GABRA1: variants seen among roughly 807,000 people sequenced by gnomAD.
The protein encoded by GABRA1 is gamma-aminobutyric acid type A receptor subunit alpha1, also known as gamma-aminobutyric acid receptor subunit alpha-1.
Under a neutral mutation model 48.9 loss-of-function variants are expected in GABRA1, and 9 were observed. The observed-to-expected ratio is 0.18, with a 90% CI of 0.11 to 0.32. The LOEUF is 0.32. GABRA1 is among the 10% of genes least tolerant of loss of function. The pLI, the probability that GABRA1 is intolerant of heterozygous loss-of-function variation, is 1.00. For synonymous variants in GABRA1, 210 were observed against 198.7 expected (o/e 1.06, Z -0.48); for missense variants, 285 against 553.8 (o/e 0.51, Z 4.87).
intron 3 of GABRA1, among the ~76,000 whole-genome samples, chr5:161,859,875 G>A (rs1312209547): frequency 6.6e-6 from 1 of 151,652 alleles, no homozygotes; most frequent in African/African-American, 2.4e-5. Context: ...ATCTCTTGTT[G>A]TTGTTTTTGC....
At chr5:161,853,793 CTT>C (rs1159330027) in intron 2 of GABRA1, 1 of 163,062 alleles carries the variant, frequency 6.1e-6, no homozygotes, top group African/African-American at 2.4e-5. Context: ...TTTGGTAACT[CTT>C]TTTAATTTGG....
At chr5:161,888,730 T>G (rs1440000562) in intron 7 of GABRA1, among the ~76,000 whole-genome samples, 1 of 152,020 alleles carries the variant, frequency 6.6e-6, no homozygotes, top group Non-Finnish European at 1.5e-5. Flanking sequence ...GGGAAAATTG[T>G]TTTTCTACAT....
rs779666888 is a variant in GABRA1, at chr5:161,854,161, T to C, written c.78T>C (p.Tyr26=). The C allele has an allele frequency of 2.7e-5, 43 of 1,564,860 alleles. No homozygotes were observed. The highest frequency in any genetic ancestry group is 3.6e-5 in the Non-Finnish European group (41 of 1,136,224). The stretch of plus-strand genomic sequence containing the variant: ...TTCTCTTTATGTTTTTTTTCAGCTA[T>C]GGACAGCCGTCATTACAAGATGAAC... The part of the protein sequence containing the change: ...LLLSTLTGRS[Y]GQPSLQDELK... Residue 26 remains tyrosine (Y), a synonymous_variant, in exon 3 of 10, where the codon TAT becomes TAC. Coordinates refer to ENST00000393943, the MANE Select transcript of GABRA1 (RefSeq NM_001127644.2).
intron 3 of GABRA1, 94 bp from the exon 4 acceptor site, chr5:161,865,627 C>T: frequency 3.1e-6 from 3 of 973,254 alleles, no homozygotes; most frequent in Non-Finnish European, 5.0e-6. Context: ...TAATCAAAGA[C>T]AATCAATTTC....
At chr5:161,893,048 T>TAATA (rs5872733) in intron 8 of GABRA1, among the ~76,000 whole-genome samples, 18 of 142,010 alleles carry the variant, frequency 1.3e-4, no homozygotes, top group South Asian at 6.6e-4. Context: ...ATAATAATAA[T>TAATA]AAAATAAACA....
intron 1 of GABRA1, among the ~76,000 whole-genome samples, chr5:161,849,244 G>A (rs973747865): frequency 6.6e-6 from 1 of 152,122 alleles, no homozygotes; most frequent in African/African-American, 2.4e-5. Context: ...GTTTTGCTGT[G>A]TTTTGTTTAC....
chr5:161,893,980 C>T (rs2113458377), intron 8 of GABRA1, among the ~76,000 whole-genome samples: 1 of 152,236 alleles, frequency 6.6e-6, no homozygotes, highest in East Asian at 1.9e-4. Context: ...TTTATGGACA[C>T]ATTTGGTTTA....
At position 161,882,538 on chromosome 5, in the gene GABRA1, T is replaced by C. The variant is rs202046572; in HGVS notation, c.560-20T>C. On this transcript the variant is annotated intron_variant, in intron 6 of 9. Transcript: ENST00000393943. ...TGAAGTGGTAAAATATATGGATCAT[T>C]TTCTACTGTTTCCTTTTAGATGCTT... 2 of 1,610,428 alleles carry C rather than the reference T, an allele frequency of 1.2e-6. No homozygotes were observed. Among genetic ancestry groups the C allele is most frequent in the Non-Finnish European group, 1.7e-6 (2 of 1,176,980 alleles).
chr5:161,860,118 G>GTTAAATGAATTCT (rs1235501538), intron 3 of GABRA1, among the ~76,000 whole-genome samples: 1 of 151,790 alleles, frequency 6.6e-6, no homozygotes, highest in African/African-American at 2.4e-5. Context: ...AAGAAGAATT[G>GTTAAATGAATTCT]TTAAAATGAA....
chr5:161,875,652 T>C lies in GABRA1; in HGVS notation c.559+10T>C, dbSNP rs772977557. 2 of 1,591,396 alleles carry C rather than the reference T, an allele frequency of 1.3e-6. No homozygotes were observed. The highest frequency in any genetic ancestry group is 2.7e-5 in the African/African-American group (2 of 74,546). ...CTAAAATTTGGAAGTTGTGAGTAAATTTATATGGACTTTTCTTGATTGTAA... is the reference window on the plus strand; with the variant it reads ...CTAAAATTTGGAAGTTGTGAGTAAACTTATATGGACTTTTCTTGATTGTAA... On this transcript the variant is annotated intron_variant, in intron 6 of 9. Coordinates refer to ENST00000393943, the MANE Select transcript of GABRA1 (RefSeq NM_001127644.2).
At chr5:161,870,675 A>G (rs929026772) in intron 4 of GABRA1, among the ~76,000 whole-genome samples, 2 of 152,056 alleles carry the variant, frequency 1.3e-5, no homozygotes, top group Non-Finnish European at 2.9e-5. Context: ...ACAGAAAAAG[A>G]GGGGGTTCTG....
intron 2 of GABRA1, among the ~76,000 whole-genome samples, chr5:161,852,898 A>G (rs1292006450): frequency 1.3e-5 from 2 of 152,006 alleles, no homozygotes; most frequent in East Asian, 1.9e-4. Context: ...TTTTGATCAT[A>G]TATCTTGCTG....
rs558870131 is a variant in GABRA1, at chr5:161,890,728, A to G, written c.704-170A>G. On this transcript the variant is annotated intron_variant, in intron 7 of 9. Coordinates refer to ENST00000393943, the MANE Select transcript of GABRA1 (RefSeq NM_001127644.2). ...CCTCAGAGTCATTTTACTGTGTGTT[A>G]AGTATGTCTCTTTTATTTTCTGGAT... is the stretch of plus-strand genomic sequence containing the variant. 6.9e-4 allele frequency among the ~76,000 whole-genome samples: 105 copies of G among 152,230 alleles called. 1 individual carries two copies. Among genetic ancestry groups the G allele is most frequent in the African/African-American group, 2.5e-3 (102 of 41,574 alleles).
At chr5:161,850,769 T>C (rs377647085) in intron 1 of GABRA1, 27 bp from the exon 2 acceptor site, 96 of 1,565,476 alleles carry the variant, frequency 6.1e-5, no homozygotes, top group Middle Eastern at 3.3e-4. Flanking sequence ...GCTAGAGACA[T>C]TGATCTCTAC....
intron 6 of GABRA1, among the ~76,000 whole-genome samples, chr5:161,876,787 C>T (rs1181278611): frequency 6.6e-6 from 1 of 152,038 alleles, no homozygotes; most frequent in East Asian, 1.9e-4. Context: ...GTAATAATGA[C>T]AATATGTGCT....
intron 3 of GABRA1, among the ~76,000 whole-genome samples, chr5:161,854,792 T>C (rs1757584510): frequency 6.6e-6 from 1 of 151,768 alleles, no homozygotes; most frequent in Non-Finnish European, 1.5e-5. Context: ...TATACCCTAA[T>C]TTTCTGTAAT....
intron 1 of GABRA1, chr5:161,848,820 G>A (rs1014232014): frequency 3.0e-6 from 1 of 332,124 alleles, no homozygotes; most frequent in African/African-American, 2.3e-5. Context: ...AGTTGGGGAG[G>A]GGCGTCGGGG....
At chr5:161,851,447 T>TA (rs1038511984) in intron 2 of GABRA1, among the ~76,000 whole-genome samples, 3 of 152,024 alleles carry the variant, frequency 2.0e-5, no homozygotes, top group South Asian at 4.1e-4. Context: ...ATTTCCCTAT[T>TA]AAAAAAACAA....
At chr5:161,856,820 A>T (rs1316552847) in intron 3 of GABRA1, among the ~76,000 whole-genome samples, 1 of 151,332 alleles carries the variant, frequency 6.6e-6, no homozygotes, top group East Asian at 1.9e-4. Context: ...TTAAAATACT[A>T]AGTACAGTTT....
Sources: allele counts gnomAD v4.1 joint callset (sites outside exome capture counted in the v4.1 genomes callset), GRCh38; gene constraint gnomAD v4.1.1; transcripts MANE v1.5; gene names NCBI Gene and HGNC (gene_info 2026-07-23, HGNC 2026-07-21).